The following DROSHA variants were observed in gnomAD, a reference collection of about 807,000 sequenced individuals.
DROSHA encodes ribonuclease 3.
Under a neutral mutation model 181.9 loss-of-function variants are expected in DROSHA, and 56 were observed. The ratio of observed to expected loss-of-function variants is 0.31; its 90% CI spans 0.25 to 0.38. DROSHA has a LOEUF of 0.38. DROSHA is among the 10% of genes least tolerant of loss of function. DROSHA has a pLI of 1.00. For missense variants in DROSHA, 1,218 were observed against 1,743.5 expected, an observed-to-expected ratio of 0.70 and a Z score of 5.37; for synonymous variants, 524 against 591.2, an observed-to-expected ratio of 0.89 and a Z score of 1.65.
chr5:31,499,835 A>C (rs1753383994), intron 11 of DROSHA, among the ~76,000 whole-genome samples: 2 of 152,118 alleles, frequency 1.3e-5, no homozygotes, highest in South Asian at 4.2e-4. Flanking sequence ...CCACTACACT[A>C]CAGAAGTATA....
At chr5:31,502,190 T>C (rs1753643072) in intron 11 of DROSHA, among the ~76,000 whole-genome samples, 1 of 152,236 alleles carries the variant, frequency 6.6e-6, no homozygotes, top group South Asian at 2.1e-4. Flanking sequence ...CATCAACAGC[T>C]GCCCGCACTG....
chr5:31,524,427 C>T (rs1018904109), intron 5 of DROSHA, among the ~76,000 whole-genome samples: 15 of 152,202 alleles, frequency 9.9e-5, no homozygotes, highest in African/African-American at 4.8e-5. Flanking sequence ...GGAGCTCAAA[C>T]ACTTTTAGCA....
chr5:31,421,471 GA>G, intron 29 of DROSHA, 94 bp from the exon 30 acceptor site: 1 of 1,000,638 alleles, frequency 1.0e-6, no homozygotes, highest in Non-Finnish European at 1.6e-6. Context: ...GACTTAAAAA[GA>G]CAATGTGTTC....
At chr5:31,479,402 G>A (rs970800927) in intron 16 of DROSHA, among the ~76,000 whole-genome samples, 2 of 152,098 alleles carry the variant, frequency 1.3e-5, no homozygotes, top group African/African-American at 4.8e-5. Context: ...TCAATAAATG[G>A]TGCTGGGTCA....
chr5:31,487,668 G>C (rs1751946907), intron 13 of DROSHA, among the ~76,000 whole-genome samples: 1 of 152,172 alleles, frequency 6.6e-6, no homozygotes, highest in African/African-American at 2.4e-5. Flanking sequence ...CAGTGAAAGG[G>C]ATGGTAAGAA....
chr5:31,458,934 G>A (rs1488140404), intron 20 of DROSHA, among the ~76,000 whole-genome samples: 1 of 152,086 alleles, frequency 6.6e-6, no homozygotes, highest in African/African-American at 2.4e-5. Context: ...AACTCTACAG[G>A]ACACATAATC....
intron 12 of DROSHA, 46 bp from the exon 13 acceptor site, chr5:31,493,339 G>A (rs543240687): frequency 8.6e-6 from 13 of 1,516,354 alleles, no homozygotes; most frequent in Non-Finnish European, 1.1e-5. Flanking sequence ...TAAATGACAT[G>A]AGTTGCATAT....
intron 4 of DROSHA, among the ~76,000 whole-genome samples, chr5:31,527,204 A>G (rs894918155): frequency 3.3e-5 from 5 of 152,088 alleles, no homozygotes; most frequent in East Asian, 1.9e-4. Context: ...TCAACATCCC[A>G]TTGTTCACCA....
At position 31,483,640 on chromosome 5, in the gene DROSHA, A is replaced by G. The variant is rs759298522; in HGVS notation, c.1997-12T>C. On this transcript the variant is annotated splice_polypyrimidine_tract_variant and intron_variant, in intron 15 of 35. Transcript: ENST00000344624. ...TTCAAACAAAGGACCTGAAGCAAAC[A>G]AATGAGAAAAAAAAAAAAAAAAGAA... is the stretch of plus-strand genomic sequence containing the variant. 4.7e-6 allele frequency: 7 copies of G among 1,483,590 alleles called. No individual in the cohort carries two copies. Among genetic ancestry groups the G allele is most frequent in the Non-Finnish European group, 8.9e-7 (1 of 1,127,522 alleles). The allele number at this position is 1,483,590 out of a possible 1,614,324, so 91.9% of individuals were successfully genotyped here.
chr5:31,503,717 T>A (rs554617876), intron 11 of DROSHA, among the ~76,000 whole-genome samples: 1 of 152,204 alleles, frequency 6.6e-6, no homozygotes, highest in Non-Finnish European at 1.5e-5. Flanking sequence ...CTCGTCAACA[T>A]CTCAGAGCTC....
At chr5:31,485,121 G>A (rs1267481894) in intron 14 of DROSHA, among the ~76,000 whole-genome samples, 159 bp from the exon 15 acceptor site, 1 of 152,156 alleles carries the variant, frequency 6.6e-6, no homozygotes, top group Admixed American at 6.5e-5. Context: ...GCTAGTTTCA[G>A]ATGGAAATGA....
Position 31,447,540 on chromosome 5 carries a change from C to A in DROSHA, c.2882+1007G>T, listed in dbSNP as rs1746459694. ...CTAAAACTTCATCAAAAGTTTAGTA[C>A]TGCAAAGGACGTCATCAAGAGAGAG... On this transcript the variant is annotated intron_variant, in intron 23 of 35. Transcript: ENST00000344624. Among the ~76,000 whole-genome samples, 3 of 152,122 alleles carry A rather than the reference C, an allele frequency of 2.0e-5. No individual in the cohort carries two copies. The South Asian group carries it at 6.2e-4, about 31-fold the overall frequency.
chr5:31,408,997 G>C, intron 33 of DROSHA, 59 bp downstream of exon 33: 1 of 1,510,016 alleles, frequency 6.6e-7, no homozygotes, highest in South Asian at 1.2e-5. Flanking sequence ...AAGGCACATG[G>C]AAAGTCAATT....
intron 30 of DROSHA, among the ~76,000 whole-genome samples, chr5:31,414,751 T>G (rs1741747054): frequency 6.6e-6 from 1 of 152,216 alleles, no homozygotes; most frequent in Non-Finnish European, 1.5e-5. Flanking sequence ...TCTAGAAAAT[T>G]CTAAGAATTC....
In DROSHA at chr5:31,526,292, T is replaced by C; in HGVS notation, c.641A>G (p.Lys214Arg). ...FRHLPPYPLP[K>R]APSERRSPER... Reference sequence around the variant, plus strand: ...TGGGGACCTTCTCTCACTGGGAGCCTTTGGGAGTGGGTATGGAGGGAGATG... The same window carrying C: ...TGGGGACCTTCTCTCACTGGGAGCCCTTGGGAGTGGGTATGGAGGGAGATG... The change falls in exon 5 of 36, where the codon AAG (lysine) becomes AGG (arginine). Residue 214 changes from lysine (K) to arginine (R), a missense_variant. Transcript: ENST00000344624. 2 of 1,613,732 alleles carry C rather than the reference T, an allele frequency of 1.2e-6. No homozygotes were observed. The highest frequency in any genetic ancestry group is 1.6e-4 in the Middle Eastern group (1 of 6,062).
intron 19 of DROSHA, among the ~76,000 whole-genome samples, chr5:31,465,209 A>T (rs1213406315): frequency 6.6e-6 from 1 of 152,118 alleles, no homozygotes; most frequent in Non-Finnish European, 1.5e-5. Flanking sequence ...CTCTTACACA[A>T]CCCCAGCAGA....
At chr5:31,502,682 C>CTTAG in intron 11 of DROSHA, among the ~76,000 whole-genome samples, 1 of 152,368 alleles carries the variant, frequency 6.6e-6, no homozygotes, top group Middle Eastern at 3.4e-3. Flanking sequence ...GCTCCCCTCC[C>CTTAG]TCAGCTGATG....
intron 9 of DROSHA, 63 bp downstream of exon 9, chr5:31,510,972 C>A: frequency 6.3e-7 from 1 of 1,577,136 alleles, no homozygotes; most frequent in South Asian, 1.2e-5. Context: ...GGGTATTTCC[C>A]CAAAATTTAG....
At chr5:31,529,929 T>G (rs1304928505) in intron 3 of DROSHA, among the ~76,000 whole-genome samples, 1 of 152,134 alleles carries the variant, frequency 6.6e-6, no homozygotes, top group African/African-American at 2.4e-5. Flanking sequence ...ATACTTGAAC[T>G]TCAGCAAAAC....
Sources: allele counts gnomAD v4.1 joint callset (sites outside exome capture counted in the v4.1 genomes callset), GRCh38; gene constraint gnomAD v4.1.1; transcripts MANE v1.5; gene names NCBI Gene and HGNC (gene_info 2026-07-23, HGNC 2026-07-21).